Variants in PANX3 observed in about 807,000 individuals in gnomAD.
PANX3 encodes the protein pannexin-3.
A neutral mutation model predicts 31.5 loss-of-function variants in PANX3; 18 were observed. That is an observed-to-expected ratio of 0.57 (90% CI 0.39 to 0.85). The LOEUF (loss-of-function observed/expected upper bound fraction) is 0.85. Ranked by LOEUF, PANX3 falls within the 40% of genes least tolerant of loss-of-function variation. The probability of loss-of-function intolerance (pLI) is 0.00; values close to 1 mark genes in which losing one functional copy is unlikely to be tolerated. For missense variants in PANX3, 426 were observed against 485.4 expected (o/e 0.88, Z 1.15); for synonymous variants, 194 against 201.6 (o/e 0.96, Z 0.32).
At chr11:124,612,945 A>G in intron 1 of PANX3, 35 bp from the exon 2 acceptor site, 1 of 1,610,030 alleles carries the variant, frequency 6.2e-7, no homozygotes, top group Non-Finnish European at 8.5e-7. Flanking sequence ...CTCCACTCCA[A>G]CTCAGGCGGC....
intron 3 of PANX3, among the ~76,000 whole-genome samples, chr11:124,618,648 A>C (rs1197850141): frequency 1.3e-5 from 2 of 151,312 alleles, no homozygotes; most frequent in South Asian, 2.1e-4. Flanking sequence ...CTTTTTTTGG[A>C]GTGGGGGGGT....
chr11:124,614,663 G>A (rs983115597), intron 2 of PANX3, among the ~76,000 whole-genome samples: 1 of 144,698 alleles, frequency 6.9e-6, no homozygotes, highest in Non-Finnish European at 1.5e-5. Flanking sequence ...TTCAATAAAC[G>A]CCCTTTCTTT....
intron 2 of PANX3, among the ~76,000 whole-genome samples, chr11:124,614,187 A>G (rs553390455): frequency 0.011 from 1,699 of 151,620 alleles, 16 homozygotes; most frequent in Middle Eastern, 0.021. Context: ...AAAAAAAAAA[A>G]AAAAGAAAAA....
At chr11:124,615,469 T>C (rs1863142872) in intron 2 of PANX3, among the ~76,000 whole-genome samples, 2 of 152,188 alleles carry the variant, frequency 1.3e-5, no homozygotes, top group South Asian at 4.1e-4. Context: ...AAGCCATCCC[T>C]GGTTCAGGAG....
At chr11:124,615,862 A>T (rs2134311587) in intron 2 of PANX3, among the ~76,000 whole-genome samples, 1 of 152,180 alleles carries the variant, frequency 6.6e-6, no homozygotes, top group South Asian at 2.1e-4. Flanking sequence ...AAACACAAAA[A>T]GTAGCCGGGT....
At position 124,618,902 on chromosome 11, in the gene PANX3, G is replaced by A. The variant is rs535726937; in HGVS notation, c.540-394G>A. ...CTTATGGGACCCTTCCACCTCGGCC[G>A]CTGGGATTATGAGCATAAGCCACCA... is the stretch of plus-strand genomic sequence containing the variant. On this transcript the variant is annotated intron_variant, in intron 3 of 3. Transcript: ENST00000284288. 7.2e-5 allele frequency among the ~76,000 whole-genome samples: 11 copies of A among 152,258 alleles called. No homozygotes were observed. In the South Asian group the frequency reaches 2.3e-3, roughly 32 times the overall value.
Position 124,618,518 on chromosome 11 carries a change from TTA to T in PANX3, c.540-777_540-776del, listed in dbSNP as rs559357083. Reference sequence around the variant, plus strand: ...AAGCTTCTTCAGAGCACAAACTGGCTTACATGTACCTGAACACCAAAGCTCTC... The same window carrying T: ...AAGCTTCTTCAGAGCACAAACTGGCTCATGTACCTGAACACCAAAGCTCTC... On this transcript the variant is annotated intron_variant, in intron 3 of 3. Coordinates refer to ENST00000284288, the MANE Select transcript of PANX3 (RefSeq NM_052959.3). Among the ~76,000 whole-genome samples the T allele has an allele frequency of 1.2e-3, 178 of 152,350 alleles. 1 individual carries two copies. Among genetic ancestry groups the T allele is most frequent in the African/African-American group, 4.1e-3 (171 of 41,586 alleles).
In PANX3 at chr11:124,619,929, C is replaced by T. The variant is rs1591369562; in HGVS notation, c.1173C>T (p.His391=). The change falls in exon 4 of 4, where the codon CAC becomes CAT. Residue 391 remains histidine, a synonymous_variant. Coordinates refer to ENST00000284288, the MANE Select transcript of PANX3 (RefSeq NM_052959.3). The part of the protein sequence containing the change: ...KHLTNSACDE[H]P ...TCACCAACTCGGCATGTGATGAACACCCATAGTTAAGAAACCATGGAGCAA... is the reference window on the plus strand; with the variant it reads ...TCACCAACTCGGCATGTGATGAACATCCATAGTTAAGAAACCATGGAGCAA... The T allele has an allele frequency of 1.9e-6, 3 of 1,594,178 alleles. No homozygotes were observed. The highest frequency in any genetic ancestry group is 2.6e-6 in the Non-Finnish European group (3 of 1,172,336).
In PANX3 at chr11:124,615,946, G is replaced by A. The variant is rs1319520527; in HGVS notation, c.325-1328G>A. On this transcript the variant is annotated intron_variant, in intron 2 of 3. Transcript: ENST00000284288. ...AGAATTGCTTGAACCCACAGGAGGC[G>A]GAGCTTGCAGTGAGCAGAGATCGCA... Among the ~76,000 whole-genome samples, 9 of 152,168 alleles carry A rather than the reference G, an allele frequency of 5.9e-5. No homozygotes were observed. In the East Asian group the frequency reaches 9.7e-4, roughly 16 times the overall value.
intron 2 of PANX3, among the ~76,000 whole-genome samples, chr11:124,614,207 T>C (rs1863127343): frequency 6.9e-6 from 1 of 145,730 alleles, no homozygotes; most frequent in East Asian, 2.0e-4. Context: ...ATAAATTCTG[T>C]GGTAGAGGAA....
At chr11:124,615,876 G>A (rs1367649928) in intron 2 of PANX3, among the ~76,000 whole-genome samples, 1 of 152,110 alleles carries the variant, frequency 6.6e-6, no homozygotes, top group Non-Finnish European at 1.5e-5. Context: ...GCCGGGTGTG[G>A]TAGTGAGCAC....
Position 124,619,930 on chromosome 11 carries a change from C to G in PANX3, c.1174C>G (p.Pro392Ala). 6.3e-7 allele frequency: 1 copy of G among 1,593,726 alleles called. No individual in the cohort carries two copies. Among genetic ancestry groups the G allele is most frequent in the African/African-American group, 1.4e-5 (1 of 73,678 alleles). The stretch of plus-strand genomic sequence containing the variant: ...CACCAACTCGGCATGTGATGAACAC[C>G]CATAGTTAAGAAACCATGGAGCAAG... Reference protein sequence around the residue: ...HLTNSACDEHP With the variant: ...HLTNSACDEHA The change falls in exon 4 of 4, where the codon CCA (proline) becomes GCA (alanine). Residue 392 changes from proline to alanine, a missense_variant. Physicochemically the swap from Pro to Ala is conservative, Grantham distance 27 (BLOSUM62 -1). Transcript: ENST00000284288.
intron 2 of PANX3, among the ~76,000 whole-genome samples, chr11:124,614,454 G>A (rs1344286832): frequency 6.6e-6 from 1 of 151,870 alleles, no homozygotes; most frequent in African/African-American, 2.4e-5. Context: ...TTTTAGTAGA[G>A]ATGGAGTTTC....
intron 1 of PANX3, among the ~76,000 whole-genome samples, chr11:124,612,309 T>C (rs1299328260): frequency 1.3e-5 from 2 of 152,176 alleles, no homozygotes; most frequent in Non-Finnish European, 2.9e-5. Flanking sequence ...GGGTTTCAGG[T>C]GCTAGATTCA....
chr11:124,613,982 G>A (rs1462226113), intron 2 of PANX3, among the ~76,000 whole-genome samples: 1 of 152,002 alleles, frequency 6.6e-6, no homozygotes, highest in African/African-American at 2.4e-5. Flanking sequence ...GTTTTAGGAG[G>A]AGGCAGTGGT....
intron 2 of PANX3, 54 bp downstream of exon 2, chr11:124,613,176 A>G: frequency 6.3e-7 from 1 of 1,579,030 alleles, no homozygotes; most frequent in Non-Finnish European, 8.6e-7. Context: ...GTGGTGCAGA[A>G]CCCCTTCATT....
rs1863198901 is a variant in PANX3 at position 124,620,010 on chromosome 11, T to C, written c.*75T>C. 1.4e-6 allele frequency: 2 copies of C among 1,449,570 alleles called. No homozygotes were observed. Among genetic ancestry groups the C allele is most frequent in the Non-Finnish European group, 1.9e-6 (2 of 1,077,162 alleles). The allele number at this position is 1,449,570 out of a possible 1,614,324, so 89.8% of individuals were successfully genotyped here. ...CATAAGACATGCACACTAATACACA[T>C]ACACACCAAAAAATTACACATTTTA... On this transcript the variant is annotated 3_prime_UTR_variant, in exon 4 of 4. Coordinates refer to ENST00000284288, the MANE Select transcript of PANX3 (RefSeq NM_052959.3).
In PANX3 at chr11:124,619,661, TA is replaced by T; in HGVS notation, c.906del (p.Leu302PhefsTer18). 1 of 1,614,208 alleles carries T rather than the reference TA, an allele frequency of 6.2e-7. No homozygotes were observed. Among genetic ancestry groups the T allele is most frequent in the Non-Finnish European group, 8.5e-7 (1 of 1,180,042 alleles). On this transcript the variant is annotated frameshift_variant, in exon 4 of 4. Coordinates refer to ENST00000284288, the MANE Select transcript of PANX3 (RefSeq NM_052959.3). LOFTEE classifies it high-confidence loss of function. ...TRLCRWDKRLLSVYEMLPAFD... is the reference protein window; with the variant it reads ...TRLCRWDKRLXSVYEMLPAFD... ...CTATGTCGGTGGGACAAACGACTTTTATCTGTCTATGAGATGCTCCCAGCTT... is the reference window on the plus strand; with the variant it reads ...CTATGTCGGTGGGACAAACGACTTTTTCTGTCTATGAGATGCTCCCAGCTT...
At chr11:124,611,949 TAAAAAAAAA>T (rs56856352) in intron 1 of PANX3, among the ~76,000 whole-genome samples, 1 of 98,008 alleles carries the variant, frequency 1.0e-5, no homozygotes, top group African/African-American at 3.3e-5. Context: ...AATGTTACAG[TAAAAAAAAA>T]AAAAAAAAAA....
Sources: allele counts gnomAD v4.1 joint callset (sites outside exome capture counted in the v4.1 genomes callset), GRCh38; gene constraint gnomAD v4.1.1; transcripts MANE v1.5; gene names NCBI Gene and HGNC (gene_info 2026-07-23, HGNC 2026-07-21).